The following TCAIM variants were observed in gnomAD, a reference collection of about 807,000 sequenced individuals.
The protein encoded by TCAIM is T-cell activation inhibitor, mitochondrial.
In TCAIM, 36 loss-of-function variants were observed where a neutral mutation model predicts 58.6. That is an observed-to-expected ratio of 0.61 (90% CI 0.47 to 0.81). The LOEUF (loss-of-function observed/expected upper bound fraction) is 0.81, where lower values mean the gene tolerates loss of function less well. TCAIM is among the 30% of genes least tolerant of loss of function. The pLI, the probability that TCAIM is intolerant of heterozygous loss-of-function variation, is 0.00. For missense variants in TCAIM, 466 were observed against 579.6 expected (o/e 0.80, Z 2.01); for synonymous variants, 172 against 193.6 (o/e 0.89, Z 0.93).
intron 1 of TCAIM, 93 bp from the exon 2 acceptor site, chr3:44,354,646 G>T (rs985616103): frequency 1.3e-6 from 1 of 795,188 alleles, no homozygotes; most frequent in Non-Finnish European, 2.0e-6. Context: ...TAATAACTAA[G>T]TATTTCATAT....
chr3:44,354,986 C>T (rs972791095), intron 2 of TCAIM, among the ~76,000 whole-genome samples, 175 bp downstream of exon 2: 3 of 152,110 alleles, frequency 2.0e-5, no homozygotes, highest in Non-Finnish European at 2.9e-5. Flanking sequence ...AGAGTACATT[C>T]AGAGTAGAAG....
chr3:44,344,401 G>A (rs1427555292), intron 1 of TCAIM, among the ~76,000 whole-genome samples: 2 of 152,134 alleles, frequency 1.3e-5, no homozygotes, highest in Admixed American at 1.3e-4. Context: ...TACTATCTTA[G>A]TCTTCAGCTG....
intron 5 of TCAIM, among the ~76,000 whole-genome samples, chr3:44,389,746 TAAAA>T (rs5848697): frequency 6.8e-6 from 1 of 147,708 alleles, no homozygotes; most frequent in African/African-American, 2.5e-5. Context: ...GTCATTGAAT[TAAAA>T]AAAAAAAACA....
In TCAIM at chr3:44,407,724, C is replaced by A; in HGVS notation, c.*42C>A. ...ATTTTTTTAAGAGATAAGAAAGGAA[C>A]TTAAATTAAAAATATTTAAATCCAC... On this transcript the variant is annotated 3_prime_UTR_variant, in exon 11 of 11. Transcript: ENST00000342649. The A allele has an allele frequency of 6.7e-7, 1 of 1,501,576 alleles. No homozygotes were observed. The highest frequency in any genetic ancestry group is 8.9e-7 in the Non-Finnish European group (1 of 1,123,680). The allele number at this position is 1,501,576 out of a possible 1,614,324, so 93.0% of individuals were successfully genotyped here. A position where few individuals can be genotyped will look rare whatever the true frequency, so the allele number is the denominator to read the frequency against.
At chr3:44,384,799 A>G (rs1041323828) in intron 5 of TCAIM, among the ~76,000 whole-genome samples, 2 of 152,180 alleles carry the variant, frequency 1.3e-5, no homozygotes, top group East Asian at 1.9e-4. Context: ...CATTCCTTCT[A>G]TATTCCCAAC....
intron 5 of TCAIM, among the ~76,000 whole-genome samples, chr3:44,376,808 G>T (rs1179843349): frequency 6.6e-6 from 1 of 152,194 alleles, no homozygotes. Context: ...ACATGATTTG[G>T]CCGGGCGAGG....
At chr3:44,380,768 G>A (rs572448650) in intron 5 of TCAIM, among the ~76,000 whole-genome samples, 1 of 152,068 alleles carries the variant, frequency 6.6e-6, no homozygotes, top group African/African-American at 2.4e-5. Context: ...TTAGCTAGAT[G>A]GACTAAGAAA....
intron 1 of TCAIM, among the ~76,000 whole-genome samples, chr3:44,348,018 G>A (rs1336855966): frequency 6.6e-6 from 1 of 152,168 alleles, no homozygotes; most frequent in Non-Finnish European, 1.5e-5. Context: ...AACTGGGCAG[G>A]TGGGAATAAC....
intron 5 of TCAIM, among the ~76,000 whole-genome samples, chr3:44,372,053 GGAAGGAAGGAA>G (rs1185102078): frequency 2.0e-4 from 29 of 148,534 alleles, no homozygotes; most frequent in African/African-American, 5.0e-4. Flanking sequence ...AAGGAAGGAA[GGAAGGAAGGAA>G]GGAAGGAAGG....
chr3:44,365,671 A>G (rs908396513), intron 4 of TCAIM, among the ~76,000 whole-genome samples: 5 of 152,172 alleles, frequency 3.3e-5, no homozygotes, highest in African/African-American at 1.2e-4. Flanking sequence ...GAAAAGGTCA[A>G]AGAACAGTGC....
At chr3:44,403,095 G>A (rs555212921) in intron 10 of TCAIM, among the ~76,000 whole-genome samples, 4 of 152,084 alleles carry the variant, frequency 2.6e-5, no homozygotes, top group South Asian at 4.2e-4. Context: ...ATGGTGAAAC[G>A]CCGTCTCTAC....
At chr3:44,350,437 CTT>C (rs34725315) in intron 1 of TCAIM, among the ~76,000 whole-genome samples, 6 of 145,678 alleles carry the variant, frequency 4.1e-5, no homozygotes, top group Non-Finnish European at 3.0e-5. Context: ...CATTTTCTTT[CTT>C]TTTTTTTTTT....
intron 3 of TCAIM, among the ~76,000 whole-genome samples, chr3:44,360,332 A>C (rs1295972992): frequency 3.3e-5 from 5 of 152,028 alleles, no homozygotes; most frequent in Admixed American, 2.6e-4. Flanking sequence ...TCTTCCTACT[A>C]TTAGAGAACA....
chr3:44,385,940 TA>T (rs1559577801), intron 5 of TCAIM, among the ~76,000 whole-genome samples: 1 of 152,202 alleles, frequency 6.6e-6, no homozygotes, highest in African/African-American at 2.4e-5. Context: ...TCTCTACAAT[TA>T]TTTTTTTTCT....
In TCAIM at chr3:44,396,651, T is replaced by C. The variant is rs1338024106; in HGVS notation, c.794-92T>C. On this transcript the variant is annotated intron_variant, in intron 7 of 10. Transcript: ENST00000342649. Reference sequence around the variant, plus strand: ...ATAAAATTAGCCTTTAAGCTTCTACTGAATTTAATCCTGGGTTTATACACT... The same window carrying C: ...ATAAAATTAGCCTTTAAGCTTCTACCGAATTTAATCCTGGGTTTATACACT... 4 of 1,468,780 alleles carry C rather than the reference T, an allele frequency of 2.7e-6. No homozygotes were observed. The Admixed American group carries it at 7.8e-5, about 29-fold the overall frequency. The allele number at this position is 1,468,780 out of a possible 1,614,324, so 91.0% of individuals were successfully genotyped here. A position where few individuals can be genotyped will look rare whatever the true frequency, so the allele number is the denominator to read the frequency against.
At chr3:44,362,275 C>A (rs1232586744) in intron 4 of TCAIM, 2 of 395,696 alleles carry the variant, frequency 5.1e-6, no homozygotes, top group African/African-American at 4.1e-5. Flanking sequence ...GATCTAAAAT[C>A]TGTTTCTAGC....
intron 6 of TCAIM, among the ~76,000 whole-genome samples, chr3:44,393,661 A>G (rs1701876690): frequency 6.6e-6 from 1 of 150,774 alleles, no homozygotes; most frequent in Middle Eastern, 3.5e-3. Context: ...AGTGACTCAT[A>G]CCTGTAATTC....
chr3:44,346,624 G>A (rs1700973933), intron 1 of TCAIM, among the ~76,000 whole-genome samples: 2 of 152,282 alleles, frequency 1.3e-5, no homozygotes, highest in South Asian at 4.1e-4. Flanking sequence ...ATTCTAAGAG[G>A]CACGCTAGCG....
chr3:44,354,874 G>C, intron 2 of TCAIM, 63 bp downstream of exon 2: 1 of 1,526,228 alleles, frequency 6.6e-7, no homozygotes, highest in South Asian at 1.2e-5. Context: ...TATGCATTTG[G>C]TTTATTTCAG....
Sources: gnomAD v4.1 joint callset for allele counts (sites outside exome capture counted in the v4.1 genomes callset) on GRCh38, gnomAD v4.1.1 for gene constraint, MANE v1.5 for transcripts, NCBI Gene and HGNC (gene_info 2026-07-23, HGNC 2026-07-21) for gene names.